The following GTF2A1L variants were observed in gnomAD, a reference collection of about 807,000 sequenced individuals.
GTF2A1L encodes general transcription factor IIA subunit 1 like, also known as TFIIA-alpha and beta-like factor.
A neutral mutation model predicts 49.7 loss-of-function variants in GTF2A1L; 48 were observed. The ratio of observed to expected loss-of-function variants is 0.97; its 90% confidence interval spans 0.77 to 1.23. GTF2A1L has a LOEUF of 1.23. GTF2A1L is among the 50% of genes most tolerant of loss of function. The probability of loss-of-function intolerance (pLI) is 0.00; values close to 1 mark genes in which losing one functional copy is unlikely to be tolerated. For synonymous variants in GTF2A1L, 246 were observed against 193.5 expected, an observed-to-expected ratio of 1.27 and a Z score of -2.25; for missense variants, 736 against 564.8, an observed-to-expected ratio of 1.30 and a Z score of -3.07.
chr2:48,646,310 A>T, intron 5 of GTF2A1L, 143 bp from the exon 6 acceptor site: 1 of 605,886 alleles, frequency 1.7e-6, no homozygotes, highest in East Asian at 3.3e-5. Flanking sequence ...AATAAAAGAA[A>T]AACCCCTAGA....
intron 6 of GTF2A1L, among the ~76,000 whole-genome samples, chr2:48,649,041 G>C (rs1452020429): frequency 2.0e-5 from 3 of 152,096 alleles, no homozygotes; most frequent in African/African-American, 7.2e-5. Context: ...AGGTTTAAGA[G>C]GTAAGGATCT....
chr2:48,659,327 T>C (rs1460956572), intron 6 of GTF2A1L, among the ~76,000 whole-genome samples: 1 of 152,180 alleles, frequency 6.6e-6, no homozygotes, highest in African/African-American at 2.4e-5. Flanking sequence ...GTAATTCATA[T>C]ATTTGATTGC....
intron 6 of GTF2A1L, among the ~76,000 whole-genome samples, chr2:48,649,909 CT>C (rs1048289669): frequency 6.6e-6 from 1 of 152,156 alleles, no homozygotes; most frequent in African/African-American, 2.4e-5. Context: ...GGTTTTCAAC[CT>C]TGTTATTTCC....
intron 4 of GTF2A1L, among the ~76,000 whole-genome samples, chr2:48,644,013 T>A (rs79261149): frequency 0.046 from 7,025 of 151,928 alleles, 535 homozygotes; most frequent in African/African-American, 0.16. Flanking sequence ...CAAAATTTTT[T>A]TAAAAAAATT....
chr2:48,623,983 A>G (rs994453774), intron 3 of GTF2A1L, among the ~76,000 whole-genome samples: 3 of 152,216 alleles, frequency 2.0e-5, no homozygotes, highest in African/African-American at 7.2e-5. Flanking sequence ...GACAGGATCA[A>G]TAGAAGCTTA....
Position 48,671,685 on chromosome 2 carries a change from T to C in GTF2A1L, c.1329+5T>C, listed in dbSNP as rs1254069202. The C allele has an allele frequency of 5.6e-6, 9 of 1,607,002 alleles. No individual in the cohort carries two copies. Among genetic ancestry groups the C allele is most frequent in the Non-Finnish European group, 6.8e-6 (8 of 1,176,726 alleles). ...ATTGTCTGTCAGTATGATAAGGTAC[T>C]GTATTTACCTTTTGGACTTTGGGTT... On this transcript the variant is annotated splice_donor_5th_base_variant and intron_variant, in intron 8 of 8. Transcript: ENST00000403751.
At chr2:48,630,854 A>T (rs1160112925) in intron 3 of GTF2A1L, among the ~76,000 whole-genome samples, 1 of 152,068 alleles carries the variant, frequency 6.6e-6, no homozygotes, top group Non-Finnish European at 1.5e-5. Context: ...AGCTTTTTCC[A>T]TGTATATTGA....
chr2:48,665,490 G>T (rs1678790904), intron 6 of GTF2A1L, among the ~76,000 whole-genome samples: 1 of 151,660 alleles, frequency 6.6e-6, no homozygotes, highest in Non-Finnish European at 1.5e-5. Context: ...ACTGCTTTGG[G>T]TACATCTCAA....
At chr2:48,648,601 T>A (rs1677667210) in intron 6 of GTF2A1L, among the ~76,000 whole-genome samples, 1 of 152,096 alleles carries the variant, frequency 6.6e-6, no homozygotes, top group Admixed American at 6.5e-5. Context: ...ATAACATTAC[T>A]CCCTGAAATT....
In GTF2A1L at chr2:48,679,427, T is replaced by C. The variant is rs1424176384; in HGVS notation, c.1422T>C (p.Gly474=). 1 of 1,612,552 alleles carries C rather than the reference T, an allele frequency of 6.2e-7. No individual in the cohort carries two copies. Among genetic ancestry groups the C allele is most frequent in the East Asian group, 2.2e-5 (1 of 44,788 alleles). ...ACTATGTATTTGCAAAAGCCATTGG[T>C]GATGCAGAGTGGTAAACCTTGTGAG... The part of the protein sequence containing the change: ...GRDYVFAKAI[G]DAEW Residue 474 remains glycine (G), a synonymous_variant, in exon 9 of 9, where the codon GGT becomes GGC. Coordinates refer to ENST00000403751, the MANE Select transcript of GTF2A1L (RefSeq NM_006872.5).
intron 6 of GTF2A1L, among the ~76,000 whole-genome samples, chr2:48,664,074 C>G (rs1011561567): frequency 1.3e-5 from 2 of 151,912 alleles, no homozygotes; most frequent in African/African-American, 4.8e-5. Context: ...TTTATGTAGA[C>G]TATAATCTAT....
At chr2:48,646,390 T>TTG in intron 5 of GTF2A1L, 63 bp from the exon 6 acceptor site, 1 of 1,314,502 alleles carries the variant, frequency 7.6e-7, no homozygotes, top group Non-Finnish European at 9.9e-7. Flanking sequence ...TTTTTTTTTG[T>TTG]GGTGGTTGTC....
chr2:48,662,534 G>A (rs575143302), intron 6 of GTF2A1L, among the ~76,000 whole-genome samples: 2 of 152,066 alleles, frequency 1.3e-5, no homozygotes, highest in African/African-American at 4.8e-5. Context: ...TATTCAAGGG[G>A]ATCCATGGCA....
chr2:48,627,039 A>G (rs1177862129), intron 3 of GTF2A1L, among the ~76,000 whole-genome samples: 2 of 143,522 alleles, frequency 1.4e-5, no homozygotes, highest in African/African-American at 2.5e-5. Flanking sequence ...GAATTCAGCC[A>G]TGAAGCCATC....
At chr2:48,640,100 G>T (rs896414924) in intron 3 of GTF2A1L, among the ~76,000 whole-genome samples, 3 of 152,164 alleles carry the variant, frequency 2.0e-5, no homozygotes, top group Non-Finnish European at 2.9e-5. Context: ...CTGTTGGTGG[G>T]AGTGCAAATT....
chr2:48,621,021 T>G, intron 2 of GTF2A1L, 69 bp downstream of exon 2: 1 of 1,533,986 alleles, frequency 6.5e-7, no homozygotes, highest in Non-Finnish European at 8.8e-7. Flanking sequence ...ACTGATATAG[T>G]TCTGATCTCT....
chr2:48,648,464 C>T (rs140304400), intron 6 of GTF2A1L, among the ~76,000 whole-genome samples: 2 of 152,056 alleles, frequency 1.3e-5, no homozygotes, highest in South Asian at 4.2e-4. Flanking sequence ...TGTACTTTTT[C>T]TGATATGGGG....
chr2:48,637,561 A>G (rs1676968431), intron 3 of GTF2A1L, among the ~76,000 whole-genome samples: 1 of 152,100 alleles, frequency 6.6e-6, no homozygotes, highest in Non-Finnish European at 1.5e-5. Context: ...CACAATTGAA[A>G]GAATCAGAGA....
intron 3 of GTF2A1L, among the ~76,000 whole-genome samples, chr2:48,625,761 T>G (rs1203599219): frequency 7.0e-6 from 1 of 142,950 alleles, no homozygotes; most frequent in Non-Finnish European, 1.6e-5. Flanking sequence ...TTTCACATTT[T>G]TTGTAGAGAC....
Sources: gnomAD v4.1 joint callset for allele counts (sites outside exome capture counted in the v4.1 genomes callset) on GRCh38, gnomAD v4.1.1 for gene constraint, MANE v1.5 for transcripts, NCBI Gene and HGNC (gene_info 2026-07-23, HGNC 2026-07-21) for gene names.